Variants in FAR2 observed in about 807,000 individuals in gnomAD.
FAR2 encodes epididymis secretory protein Li 81.
Under a neutral mutation model 56.0 loss-of-function variants are expected in FAR2, and 19 were observed. The observed-to-expected ratio is 0.34, with a 90% CI of 0.24 to 0.50. The LOEUF (loss-of-function observed/expected upper bound fraction) is 0.50. Among genes scored for constraint, FAR2 ranks in the 20% least tolerant of loss-of-function variants. The pLI, the probability that FAR2 is intolerant of heterozygous loss-of-function variation, is 0.98. For missense variants in FAR2, 508 were observed against 642.2 expected (o/e 0.79, Z 2.26); for synonymous variants, 219 against 218.8 (o/e 1.00, Z -0.01).
chr12:29,181,967 C>G lies in FAR2; in HGVS notation c.-39+32560C>G, dbSNP rs577359470. 8.3e-4 allele frequency among the ~76,000 whole-genome samples: 126 copies of G among 152,202 alleles called. 1 individual carries two copies. The highest frequency in any genetic ancestry group is 2.9e-3 in the African/African-American group (119 of 41,516). The stretch of plus-strand genomic sequence containing the variant: ...CAGATAGATAGATAGACAGATTATA[C>G]CTAGATAGTTCATTGAACAATACAT... On this transcript the variant is annotated intron_variant, in intron 1 of 11. Transcript: ENST00000536681.
chr12:29,158,861 G>A (rs1949754015), intron 1 of FAR2, among the ~76,000 whole-genome samples: 1 of 152,172 alleles, frequency 6.6e-6, no homozygotes, highest in Admixed American at 6.5e-5. Context: ...GACGTAAAGT[G>A]GCTTGTCACA....
intron 3 of FAR2, among the ~76,000 whole-genome samples, chr12:29,295,326 G>A (rs1466686731): frequency 2.0e-5 from 3 of 152,052 alleles, no homozygotes; most frequent in East Asian, 1.9e-4. Context: ...CGCCCGCCTC[G>A]GCCTCCTAAA....
intron 1 of FAR2, among the ~76,000 whole-genome samples, chr12:29,166,536 C>T (rs1307906437): frequency 3.3e-5 from 5 of 152,192 alleles, no homozygotes; most frequent in Admixed American, 6.5e-5. Context: ...CCAGATTATT[C>T]CCTGATATTT....
At chr12:29,235,806 T>G (rs1334176044) in intron 1 of FAR2, among the ~76,000 whole-genome samples, 1 of 152,144 alleles carries the variant, frequency 6.6e-6, no homozygotes, top group Non-Finnish European at 1.5e-5. Context: ...AGTTAGACTT[T>G]TGTCAGAAAA....
At chr12:29,211,120 T>G (rs1277321318) in intron 1 of FAR2, among the ~76,000 whole-genome samples, 1 of 151,926 alleles carries the variant, frequency 6.6e-6, no homozygotes, top group Non-Finnish European at 1.5e-5. Context: ...TGAGTTGCAT[T>G]CTTCTTCTTA....
At chr12:29,169,862 A>G (rs921858274) in intron 1 of FAR2, among the ~76,000 whole-genome samples, 3 of 152,230 alleles carry the variant, frequency 2.0e-5, no homozygotes, top group Non-Finnish European at 2.9e-5. Flanking sequence ...TCCTAACCGT[A>G]TAAGTAGGGG....
chr12:29,222,914 G>A (rs967571450), intron 1 of FAR2, among the ~76,000 whole-genome samples: 1 of 152,142 alleles, frequency 6.6e-6, no homozygotes. Flanking sequence ...GTCTTCATAA[G>A]AACAAAATTA....
At chr12:29,202,703 G>A (rs1466569655) in intron 1 of FAR2, among the ~76,000 whole-genome samples, 1 of 152,126 alleles carries the variant, frequency 6.6e-6, no homozygotes, top group Non-Finnish European at 1.5e-5. Flanking sequence ...GTTGTTTAAA[G>A]AAGCCTGGAA....
intron 3 of FAR2, 134 bp from the exon 4 acceptor site, chr12:29,296,887 A>C: frequency 2.8e-6 from 2 of 725,048 alleles, no homozygotes. Flanking sequence ...GCCATGACCC[A>C]TCCTTCTCTT....
intron 8 of FAR2, among the ~76,000 whole-genome samples, chr12:29,312,222 G>C (rs898641352): frequency 2.6e-5 from 4 of 152,120 alleles, no homozygotes; most frequent in Admixed American, 2.6e-4. Flanking sequence ...CAAAGCAAAA[G>C]TTGGCAGTTA....
At position 29,335,501 on chromosome 12, in the gene FAR2, CATA is replaced by C. The variant is rs1291986778; in HGVS notation, c.*1714_*1716del. On this transcript the variant is annotated 3_prime_UTR_variant, in exon 12 of 12. Transcript: ENST00000536681. ...ATAGCTCAGTGGGATTGGATTAAGACATAATAATAGTTCTAAGAATTCACTTTT... is the reference window on the plus strand; with the variant it reads ...ATAGCTCAGTGGGATTGGATTAAGACATAATAGTTCTAAGAATTCACTTTT... 1 of 152,136 alleles carries C rather than the reference CATA, an allele frequency of 6.6e-6. No homozygotes were observed. The highest frequency in any genetic ancestry group is 2.4e-5 in the African/African-American group (1 of 41,422). The allele number at this position is 152,136 out of a possible 1,614,324, so 9.4% of individuals were successfully genotyped here. A position where few individuals can be genotyped will look rare whatever the true frequency, so the allele number is the denominator to read the frequency against.
intron 1 of FAR2, among the ~76,000 whole-genome samples, chr12:29,269,995 C>G (rs535500644): frequency 6.6e-6 from 1 of 152,208 alleles, no homozygotes; most frequent in Non-Finnish European, 1.5e-5. Context: ...GACACCATGA[C>G]CCCAGCCCTT....
At chr12:29,234,763 A>G (rs1286592090) in intron 1 of FAR2, among the ~76,000 whole-genome samples, 2 of 152,196 alleles carry the variant, frequency 1.3e-5, no homozygotes, top group Non-Finnish European at 2.9e-5. Flanking sequence ...TGACTACAGT[A>G]ATGCCTACTT....
Position 29,324,054 on chromosome 12 carries a change from G to T in FAR2, c.1257+2130G>T, listed in dbSNP as rs183216171. Among the ~76,000 whole-genome samples the T allele has an allele frequency of 3.2e-3, 484 of 152,330 alleles. 4 individuals are homozygous for T. Among genetic ancestry groups the T allele is most frequent in the Middle Eastern group, 0.024 (7 of 294 alleles). Reference sequence around the variant, plus strand: ...TACCCAATGCAGACAAGTCCTTAAAGGAGCTGATGGAGCTGAAAGCCAAGG... The same window carrying T: ...TACCCAATGCAGACAAGTCCTTAAATGAGCTGATGGAGCTGAAAGCCAAGG... On this transcript the variant is annotated intron_variant, in intron 10 of 11. Coordinates refer to ENST00000536681, the MANE Select transcript of FAR2 (RefSeq NM_001271783.2).
intron 1 of FAR2, among the ~76,000 whole-genome samples, chr12:29,229,621 G>A (rs1947822893): frequency 6.6e-6 from 1 of 151,698 alleles, no homozygotes; most frequent in African/African-American, 2.4e-5. Flanking sequence ...CCAAATGCTG[G>A]GCTCTGCACT....
chr12:29,264,292 C>T (rs994398688), intron 1 of FAR2, among the ~76,000 whole-genome samples: 1 of 151,998 alleles, frequency 6.6e-6, no homozygotes. Flanking sequence ...GATAAAAACA[C>T]TCAAAAAACT....
intron 1 of FAR2, among the ~76,000 whole-genome samples, chr12:29,264,350 C>A (rs1948475644): frequency 6.6e-6 from 1 of 152,078 alleles, no homozygotes; most frequent in African/African-American, 2.4e-5. Context: ...GTATATGAGA[C>A]CCACAGCTAG....
intron 6 of FAR2, 126 bp downstream of exon 6, chr12:29,309,356 A>G: frequency 1.4e-6 from 1 of 705,786 alleles, no homozygotes; most frequent in Non-Finnish European, 2.4e-6. Flanking sequence ...ACTGAGGCAT[A>G]TTATTTTAAT....
chr12:29,320,904 A>G (rs1949540440), intron 9 of FAR2, among the ~76,000 whole-genome samples: 1 of 152,172 alleles, frequency 6.6e-6, no homozygotes, highest in Non-Finnish European at 1.5e-5. Flanking sequence ...TACACAGCGC[A>G]GGTTTTTTGA....
Sources: gnomAD v4.1 joint callset for allele counts (sites outside exome capture counted in the v4.1 genomes callset) on GRCh38, gnomAD v4.1.1 for gene constraint, MANE v1.5 for transcripts, NCBI Gene and HGNC (gene_info 2026-07-23, HGNC 2026-07-21) for gene names.